DHX15: variants seen among roughly 807,000 people sequenced by gnomAD.
The protein encoded by DHX15 is ATP-dependent RNA helicase DHX15.
Under a neutral mutation model 94.4 loss-of-function variants are expected in DHX15, and 11 were observed. The observed-to-expected ratio is 0.12, with a 90% confidence interval of 0.07 to 0.19. The LOEUF (loss-of-function observed/expected upper bound fraction) is 0.19. DHX15 is among the 10% of genes least tolerant of loss of function. DHX15 has a pLI of 1.00. For missense variants in DHX15, 304 were observed against 988.5 expected (o/e 0.31, Z 9.29); for synonymous variants, 338 against 329.9 (o/e 1.02, Z -0.27).
chr4:24,564,217 T>A (rs1167021772), intron 3 of DHX15, among the ~76,000 whole-genome samples: 1 of 152,212 alleles, frequency 6.6e-6, no homozygotes, highest in African/African-American at 2.4e-5. Flanking sequence ...TATTTATGAA[T>A]GAAATAATTT....
chr4:24,536,448 C>A (rs1265771942), intron 11 of DHX15, among the ~76,000 whole-genome samples: 1 of 152,162 alleles, frequency 6.6e-6, no homozygotes, highest in African/African-American at 2.4e-5. Context: ...CCACAACTAA[C>A]CCCACTCCCA....
chr4:24,584,229 C>G, intron 1 of DHX15, 94 bp downstream of exon 1: 1 of 1,307,816 alleles, frequency 7.6e-7, no homozygotes, highest in Non-Finnish European at 1.1e-6. Context: ...GGCTCGGGCT[C>G]CAGGACCCGC....
intron 3 of DHX15, among the ~76,000 whole-genome samples, chr4:24,558,707 T>C: frequency 6.6e-6 from 1 of 152,162 alleles, no homozygotes; most frequent in East Asian, 1.9e-4. Context: ...TAATATGGGA[T>C]ACTGCTGTTT....
At chr4:24,559,384 A>C (rs1427449450) in intron 3 of DHX15, among the ~76,000 whole-genome samples, 3 of 142,790 alleles carry the variant, frequency 2.1e-5, no homozygotes, top group African/African-American at 7.3e-5. Flanking sequence ...CTAAAAAAAA[A>C]AAAAAAAAAA....
intron 12 of DHX15, 170 bp from the exon 13 acceptor site, chr4:24,529,940 C>G (rs1274344749): frequency 9.2e-6 from 6 of 655,694 alleles, no homozygotes; most frequent in Non-Finnish European, 1.6e-5. Flanking sequence ...TGCCTGTGGG[C>G]CAAATCCAAC....
intron 11 of DHX15, among the ~76,000 whole-genome samples, chr4:24,535,226 C>A (rs1469826230): frequency 3.9e-5 from 6 of 152,188 alleles, no homozygotes; most frequent in Non-Finnish European, 8.8e-5. Context: ...AACCATCATT[C>A]ATACTTGTCC....
chr4:24,534,678 T>C (rs1327708829), intron 11 of DHX15, among the ~76,000 whole-genome samples: 1 of 152,156 alleles, frequency 6.6e-6, no homozygotes, highest in Non-Finnish European at 1.5e-5. Context: ...AACTTGAATC[T>C]AGTTTTCGAT....
At chr4:24,531,193 G>A (rs954372817) in intron 12 of DHX15, among the ~76,000 whole-genome samples, 20 of 151,498 alleles carry the variant, frequency 1.3e-4, no homozygotes, top group Admixed American at 2.6e-4. Context: ...GGTTTACGCC[G>A]TTCTCCTGCC....
intron 3 of DHX15, among the ~76,000 whole-genome samples, chr4:24,557,030 G>T (rs1192027500): frequency 6.6e-6 from 1 of 152,138 alleles, no homozygotes; most frequent in African/African-American, 2.4e-5. Flanking sequence ...ATAAATGGAA[G>T]ATAAAAACAA....
chr4:24,530,622 C>G (rs1721060253), intron 12 of DHX15: 1 of 149,436 alleles, frequency 6.7e-6, no homozygotes. Context: ...AGGTAGAAAA[C>G]TAAAGAGGGC....
chr4:24,541,872 C>A lies in DHX15; in HGVS notation c.1485+1G>T. ...CGGCAGGAAACGACAATACCCCATA[C>A]CTGCATTTCTGTTTTATAAGCTTTC... On this transcript the variant is annotated splice_donor_variant, in intron 8 of 13. Coordinates refer to ENST00000336812, the MANE Select transcript of DHX15 (RefSeq NM_001358.3). LOFTEE classifies it high-confidence loss of function. The A allele has an allele frequency of 6.3e-7, 1 of 1,584,000 alleles. No individual in the cohort carries two copies.
At chr4:24,540,048 AG>A in intron 10 of DHX15, 59 bp downstream of exon 10, 2 of 1,297,992 alleles carry the variant, frequency 1.5e-6, no homozygotes, top group South Asian at 2.0e-5. Context: ...CAAAAACAAA[AG>A]TGAAGTCCAC....
intron 3 of DHX15, among the ~76,000 whole-genome samples, chr4:24,561,539 T>C (rs773502811): frequency 2.6e-5 from 4 of 152,158 alleles, no homozygotes; most frequent in Admixed American, 2.0e-4. Flanking sequence ...AGCAAAGACA[T>C]AGAATCAACT....
intron 2 of DHX15, among the ~76,000 whole-genome samples, chr4:24,575,618 A>C (rs976032577): frequency 3.9e-5 from 6 of 152,206 alleles, no homozygotes; most frequent in African/African-American, 9.7e-5. Flanking sequence ...TCTGTATCAC[A>C]ATTACAAATG....
At chr4:24,533,346 C>A in intron 11 of DHX15, 1 of 416,162 alleles carries the variant, frequency 2.4e-6, no homozygotes, top group South Asian at 2.6e-5. Flanking sequence ...CTGGTTGTTT[C>A]CAAAAGATGG....
At chr4:24,583,225 TTCA>T (rs1398251028) in intron 1 of DHX15, among the ~76,000 whole-genome samples, 1 of 152,188 alleles carries the variant, frequency 6.6e-6, no homozygotes. Context: ...GTCTTTGTAC[TTCA>T]TCAATGAAAA....
intron 5 of DHX15, among the ~76,000 whole-genome samples, chr4:24,552,391 T>G (rs917900277): frequency 1.3e-5 from 2 of 152,218 alleles, no homozygotes; most frequent in South Asian, 4.1e-4. Context: ...TTAATTACAA[T>G]CACTCTTATC....
chr4:24,562,087 G>C (rs1023471185), intron 3 of DHX15, among the ~76,000 whole-genome samples: 1 of 126,686 alleles, frequency 7.9e-6, no homozygotes, highest in Non-Finnish European at 1.6e-5. Flanking sequence ...AGCGAGCTGA[G>C]ATTGGGTCAC....
Position 24,537,456 on chromosome 4 carries a change from A to G in DHX15, c.1787-283T>C. 4.1e-6 allele frequency: 1 copy of G among 246,578 alleles called. No homozygotes were observed. The highest frequency in any genetic ancestry group is 7.8e-6 in the Non-Finnish European group (1 of 128,682). The allele number at this position is 246,578 out of a possible 1,614,324, so 15.3% of individuals were successfully genotyped here. A position where few individuals can be genotyped will look rare whatever the true frequency, so the allele number is the denominator to read the frequency against. On this transcript the variant is annotated intron_variant, in intron 10 of 13. Transcript: ENST00000336812. This position sits in a 1 kb window ranked among gnomAD's most constrained non-coding sequence, Gnocchi z 4.7. ...ATTCTGAAGGCCATCAGGATACTAA[A>G]AAGCTCAACTTATTTAAAAAAACCA...
Sources: gnomAD v4.1 joint callset for allele counts (sites outside exome capture counted in the v4.1 genomes callset) on GRCh38, gnomAD v4.1.1 for gene constraint, Gnocchi (gnomAD v3.1) non-coding constraint, MANE v1.5 for transcripts, NCBI Gene and HGNC (gene_info 2026-07-23, HGNC 2026-07-21) for gene names.